The following LY6G5C variants were observed in gnomAD, a reference collection of about 807,000 sequenced individuals.
LY6G5C encodes lymphocyte antigen 6 complex locus protein G5c.
A neutral mutation model predicts 10.5 loss-of-function variants in LY6G5C; 6 were observed. The observed-to-expected ratio is 0.57, with a 90% CI of 0.31 to 1.12. LY6G5C has a LOEUF of 1.12. Ranked by LOEUF, LY6G5C falls within the 50% of genes most tolerant of loss-of-function variation. The pLI is 0.05. For missense variants in LY6G5C, 160 were observed against 185.5 expected (o/e 0.86, Z 0.80); for synonymous variants, 69 against 67.8 (o/e 1.02, Z -0.09).
chr6:31,679,152 T>C lies in LY6G5C; in HGVS notation c.238A>G (p.Ile80Val). ...CTGCTGCCAGCTGGGGTGAGGCAGA[T>C]GTCAGATCCCAGAAGGCACCCTAAC... The change falls in exon 2 of 3, where the codon ATC becomes GTC. Residue 80 changes from isoleucine (I) to valine (V), a missense_variant. Transcript: ENST00000383237. This position sits in a 1 kb window ranked among gnomAD's most constrained non-coding sequence, Gnocchi z 4.4. The C allele has an allele frequency of 6.2e-7, 1 of 1,613,012 alleles. No individual in the cohort carries two copies. The highest frequency in any genetic ancestry group is 1.1e-5 in the South Asian group (1 of 91,080).
intron 2 of LY6G5C, among the ~76,000 whole-genome samples, 164 bp from the exon 3 acceptor site, chr6:31,677,284 A>C (rs1802635790): frequency 6.6e-6 from 1 of 152,142 alleles, no homozygotes; most frequent in Admixed American, 6.5e-5. Context: ...AACTCCACTG[A>C]AGTTCCCATG....
upstream of LY6G5C, among the ~76,000 whole-genome samples, chr6:31,680,817 C>T (rs1802847801): frequency 6.6e-6 from 1 of 152,140 alleles, no homozygotes; most frequent in African/African-American, 2.4e-5. This position sits in a 1 kb window ranked among gnomAD's most constrained non-coding sequence, Gnocchi z 4.5. Context: ...ATTGCCATGG[C>T]TGCACATTGC....
chr6:31,679,002 T>C lies in LY6G5C; in HGVS notation c.289+99A>G, dbSNP rs1393565579. 3.1e-6 allele frequency: 4 copies of C among 1,296,738 alleles called. No individual in the cohort carries two copies. Among genetic ancestry groups the C allele is most frequent in the African/African-American group, 3.0e-5 (2 of 67,750 alleles). 80.3% of individuals were successfully genotyped at this position (1,296,738 alleles called of 1,614,324 possible). Reference sequence around the variant, plus strand: ...AAAAGACAGGATTGGAGCAATGTCTTATGGGATTATGGGAACAAGACTTGG... The same window carrying C: ...AAAAGACAGGATTGGAGCAATGTCTCATGGGATTATGGGAACAAGACTTGG... On this transcript the variant is annotated intron_variant, in intron 2 of 2. Coordinates refer to ENST00000383237, the Ensembl canonical transcript of LY6G5C. The surrounding 1 kb of genome is among the most constrained non-coding windows in gnomAD (Gnocchi z 4.4).
chr6:31,677,178 C>T, intron 2 of LY6G5C, 58 bp from the exon 3 acceptor site: 2 of 1,538,436 alleles, frequency 1.3e-6, no homozygotes, highest in East Asian at 2.3e-5. Flanking sequence ...GCCCCAAATC[C>T]TCTCATCCCC....
At position 31,679,479 on chromosome 6, in the gene LY6G5C, C is replaced by G; in HGVS notation, c.122-211G>C. 2 of 600,740 alleles carry G rather than the reference C, an allele frequency of 3.3e-6. No homozygotes were observed. The highest frequency in any genetic ancestry group is 2.9e-5 in the Admixed American group (1 of 34,590). The allele number at this position is 600,740 out of a possible 1,614,324, so 37.2% of individuals were successfully genotyped here. On this transcript the variant is annotated intron_variant, in intron 1 of 2. Transcript: ENST00000383237. This position sits in a 1 kb window ranked among gnomAD's most constrained non-coding sequence, Gnocchi z 4.4. ...AAGGCCAGACCACATGTTAACAAAT[C>G]CCCAGACCCAGCAGAGCACTTGGTG...
In LY6G5C at chr6:31,680,017, G is replaced by A. The variant is rs183623992; in HGVS notation, c.121+236C>T. On this transcript the variant is annotated intron_variant, in intron 1 of 2. Coordinates refer to ENST00000383237, the Ensembl canonical transcript of LY6G5C. The surrounding 1 kb of genome is among the most constrained non-coding windows in gnomAD (Gnocchi z 4.5). ...AGCCGAGATCTCGCCACTGCACTCC[G>A]GCCTGGGATACAGAGCGAGACTCCA... 38 of 412,498 alleles carry A rather than the reference G, an allele frequency of 9.2e-5. No homozygotes were observed. The East Asian group carries it at 1.3e-3, about 15-fold the overall frequency. The allele number at this position is 412,498 out of a possible 1,614,324, so 25.6% of individuals were successfully genotyped here.
chr6:31,677,207 A>AG, intron 2 of LY6G5C, 87 bp from the exon 3 acceptor site: 1 of 1,328,212 alleles, frequency 7.5e-7, no homozygotes, highest in South Asian at 1.4e-5. Context: ...AAGTCAAAAA[A>AG]AAAAGAAAAA....
At chr6:31,680,665 G>A (rs111437489), upstream of LY6G5C, among the ~76,000 whole-genome samples, 871 of 152,334 alleles carry the variant, frequency 5.7e-3, 5 homozygotes, top group Middle Eastern at 0.024. This position sits in a 1 kb window ranked among gnomAD's most constrained non-coding sequence, Gnocchi z 4.5. Flanking sequence ...ACCCTCACAG[G>A]GCACAGTCTA....
chr6:31,678,072 C>G (rs1325702891), intron 2 of LY6G5C, among the ~76,000 whole-genome samples: 1 of 152,206 alleles, frequency 6.6e-6, no homozygotes, highest in Non-Finnish European at 1.5e-5. Flanking sequence ...CTGTGAGACT[C>G]AGGCAAGGTT....
exon 3 of LY6G5C, chr6:31,676,884 C>T: frequency 2.0e-6 from 3 of 1,491,832 alleles, no homozygotes; most frequent in Non-Finnish European, 2.8e-6. Flanking sequence ...GAAGTCCTGG[C>T]CAAGCCCAGA....
rs760440110 is a variant in LY6G5C, at chr6:31,680,137, C to T, written c.121+116G>A. The T allele has an allele frequency of 7.4e-5, 92 of 1,247,342 alleles. No homozygotes were observed. Among genetic ancestry groups the T allele is most frequent in the Non-Finnish European group, 1.0e-4 (87 of 859,058 alleles). The allele number at this position is 1,247,342 out of a possible 1,614,324, so 77.3% of individuals were successfully genotyped here. Reference sequence around the variant, plus strand: ...TCCCTACCAAACCCATCTGTCCCATCTCTCCTCCTGCATGGGTTTACCTGA... The same window carrying T: ...TCCCTACCAAACCCATCTGTCCCATTTCTCCTCCTGCATGGGTTTACCTGA... On this transcript the variant is annotated intron_variant, in intron 1 of 2. Coordinates refer to ENST00000383237, the Ensembl canonical transcript of LY6G5C. This position sits in a 1 kb window ranked among gnomAD's most constrained non-coding sequence, Gnocchi z 4.5.
At position 31,679,657 on chromosome 6, in the gene LY6G5C, C is replaced by T. The variant is rs534965592; in HGVS notation, c.122-389G>A. ...CATCCAGCACACTCCCTAACCCTCC[C>T]TATTCTATGTTGCCCTCAGATCCAG... On this transcript the variant is annotated intron_variant, in intron 1 of 2. Transcript: ENST00000383237. This position sits in a 1 kb window ranked among gnomAD's most constrained non-coding sequence, Gnocchi z 4.4. The T allele has an allele frequency of 7.1e-6, 2 of 282,892 alleles. No individual in the cohort carries two copies. The highest frequency in any genetic ancestry group is 1.4e-4 in the East Asian group (2 of 14,192). The allele number at this position is 282,892 out of a possible 1,614,324, so 17.5% of individuals were successfully genotyped here.
rs1350320817 is a variant in LY6G5C at position 31,680,043 on chromosome 6, T to C, written c.121+210A>G. On this transcript the variant is annotated intron_variant, in intron 1 of 2. Coordinates refer to ENST00000383237, the Ensembl canonical transcript of LY6G5C. This position sits in a 1 kb window ranked among gnomAD's most constrained non-coding sequence, Gnocchi z 4.5. ...GCCTGGGATACAGAGCGAGACTCCA[T>C]CTCAAAAATAATAATAATAATAAAT... 4.0e-6 allele frequency: 2 copies of C among 502,708 alleles called. No individual in the cohort carries two copies. The highest frequency in any genetic ancestry group is 3.9e-5 in the African/African-American group (2 of 51,734). The allele number at this position is 502,708 out of a possible 1,614,324, so 31.1% of individuals were successfully genotyped here.
In LY6G5C at chr6:31,678,978, A is replaced by AT. The variant is rs542654220; in HGVS notation, c.289+122_289+123insA. On this transcript the variant is annotated intron_variant, in intron 2 of 2. Coordinates refer to ENST00000383237, the Ensembl canonical transcript of LY6G5C. ...CTGGGTGACAGAGCAGCAAAAAAAA[A>AT]AAGACAGGATTGGAGCAATGTCTTA... The AT allele has an allele frequency of 1.2e-3, 1,368 of 1,138,608 alleles. 22 individuals carry two copies. The South Asian group carries it at 0.019, about 16-fold the overall frequency. The allele number at this position is 1,138,608 out of a possible 1,614,324, so 70.5% of individuals were successfully genotyped here. A position where few individuals can be genotyped will look rare whatever the true frequency, so the allele number is the denominator to read the frequency against.
At chr6:31,677,022 A>C in exon 3 of LY6G5C, 1 of 1,613,034 alleles carries the variant, frequency 6.2e-7, no homozygotes, top group Non-Finnish European at 8.5e-7. Context: ...TATTGAGAGA[A>C]TATCCAGAAG....
chr6:31,676,974 C>T (rs1802612143), exon 3 of LY6G5C: 3 of 1,612,978 alleles, frequency 1.9e-6, no homozygotes. Flanking sequence ...GTATAGAGCC[C>T]TCTGTTTTGA....
chr6:31,680,467 C>T (rs1262488144), upstream of LY6G5C: 2 of 1,418,756 alleles, frequency 1.4e-6, no homozygotes, highest in South Asian at 2.8e-5. This position sits in a 1 kb window ranked among gnomAD's most constrained non-coding sequence, Gnocchi z 4.5. Flanking sequence ...GGGTGGAAAT[C>T]AGTGCCAGAC....
In LY6G5C at chr6:31,676,981, T is replaced by C. The variant is rs777341864; in HGVS notation, c.429A>G (p.Gln143=). 9 of 1,612,920 alleles carry C rather than the reference T, an allele frequency of 5.6e-6. 1 individual carries two copies. The South Asian group carries it at 8.8e-5, about 16-fold the overall frequency. ...ACTAAGGAGTATAGAGCCCTCTGTT[T>C]TGAGGGTCATTGCAGAAATCCAGGA... The change falls in exon 3 of 3, where the codon CAA becomes CAG. Residue 143 remains glutamine (Q), a synonymous_variant. Transcript: ENST00000383237.
At chr6:31,677,305 G>A (rs1802636873) in intron 2 of LY6G5C, among the ~76,000 whole-genome samples, 185 bp from the exon 3 acceptor site, 1 of 152,216 alleles carries the variant, frequency 6.6e-6, no homozygotes, top group East Asian at 1.9e-4. Flanking sequence ...CAAGGCTGGA[G>A]GAAAAGAGCC....
Sources: allele counts gnomAD v4.1 joint callset (sites outside exome capture counted in the v4.1 genomes callset), GRCh38; gene constraint gnomAD v4.1.1; non-coding constraint Gnocchi (gnomAD v3.1); transcripts MANE v1.5; gene names NCBI Gene and HGNC (gene_info 2026-07-23, HGNC 2026-07-21).